The following ALPK2 variants were observed in gnomAD, a reference collection of about 807,000 sequenced individuals.
The protein encoded by ALPK2 is alpha-protein kinase 2.
In ALPK2, 127 loss-of-function variants were observed where a neutral mutation model predicts 163.1. The observed-to-expected ratio is 0.78, with a 90% CI of 0.67 to 0.90. The LOEUF is 0.90. Among genes scored for constraint, ALPK2 ranks in the 40% least tolerant of loss-of-function variants. The pLI is 0.00. For synonymous variants in ALPK2, 953 were observed against 959.1 expected (o/e 0.99, Z 0.12); for missense variants, 2,360 against 2,589.6 (o/e 0.91, Z 1.92).
intron 6 of ALPK2, 133 bp from the exon 7 acceptor site, chr18:58,524,195 A>G (rs2051572206): frequency 8.1e-7 from 1 of 1,229,510 alleles, no homozygotes; most frequent in Non-Finnish European, 1.1e-6. Flanking sequence ...CCAAAGGGCA[A>G]AATCACGATC....
At chr18:58,593,124 A>G (rs1049697539) in intron 3 of ALPK2, among the ~76,000 whole-genome samples, 5 of 152,204 alleles carry the variant, frequency 3.3e-5, no homozygotes, top group African/African-American at 1.2e-4. Flanking sequence ...CATGTAAACT[A>G]TGGACTTGGG....
intron 12 of ALPK2, among the ~76,000 whole-genome samples, chr18:58,487,151 T>G (rs536170760): frequency 7.4e-6 from 1 of 135,616 alleles, no homozygotes; most frequent in African/African-American, 2.5e-5. Context: ...TGACCTTATT[T>G]GGAAATCACA....
intron 1 of ALPK2, among the ~76,000 whole-genome samples, chr18:58,624,438 T>A (rs2052218209): frequency 7.2e-6 from 1 of 139,466 alleles, no homozygotes; most frequent in South Asian, 2.4e-4. Flanking sequence ...GTAGTTTGAG[T>A]TGATTTCTTT....
rs191577751 is a variant in ALPK2, at chr18:58,528,116, A to G, written c.5501+975T>C. On this transcript the variant is annotated intron_variant, in intron 6 of 12. Coordinates refer to ENST00000361673, the MANE Select transcript of ALPK2 (RefSeq NM_052947.4). Reference sequence around the variant, plus strand: ...TTGAATTCATCAGTTCACTTGAACAAGCATTTATTGCCAAGAAAAGCTGCT... The same window carrying G: ...TTGAATTCATCAGTTCACTTGAACAGGCATTTATTGCCAAGAAAAGCTGCT... Among the ~76,000 whole-genome samples the G allele has an allele frequency of 6.6e-5, 10 of 152,334 alleles. No homozygotes were observed. The East Asian group carries it at 1.9e-3, about 29-fold the overall frequency.
chr18:58,501,216 T>A (rs948869333), intron 11 of ALPK2, among the ~76,000 whole-genome samples: 1 of 152,256 alleles, frequency 6.6e-6, no homozygotes, highest in Non-Finnish European at 1.5e-5. Context: ...CCATTACTGT[T>A]GTTTACTAGT....
intron 6 of ALPK2, 28 bp from the exon 7 acceptor site, chr18:58,524,090 C>T: frequency 6.3e-7 from 1 of 1,595,060 alleles, no homozygotes; most frequent in Non-Finnish European, 8.6e-7. Flanking sequence ...CACATTGACA[C>T]ACTTCATCAT....
intron 3 of ALPK2, among the ~76,000 whole-genome samples, chr18:58,594,434 T>A (rs1216840560): frequency 6.6e-6 from 1 of 152,140 alleles, no homozygotes; most frequent in African/African-American, 2.4e-5. Flanking sequence ...GTCCCAGAAA[T>A]CTTAAGGAGC....
intron 4 of ALPK2, among the ~76,000 whole-genome samples, chr18:58,548,819 A>G (rs1263738471): frequency 6.6e-6 from 1 of 152,188 alleles, no homozygotes; most frequent in Non-Finnish European, 1.5e-5. Flanking sequence ...AGCATGGTAA[A>G]TGCTCAGAAA....
At chr18:58,554,625 C>T (rs1164975070) in intron 4 of ALPK2, among the ~76,000 whole-genome samples, 2 of 152,190 alleles carry the variant, frequency 1.3e-5, no homozygotes, top group African/African-American at 4.8e-5. Flanking sequence ...ATCAGTGTGT[C>T]TTGTGCTTCA....
Position 58,516,990 on chromosome 18 carries a change from A to G in ALPK2, c.5858T>C (p.Val1953Ala). 1 of 1,614,202 alleles carries G rather than the reference A, an allele frequency of 6.2e-7. No individual in the cohort carries two copies. The highest frequency in any genetic ancestry group is 1.1e-5 in the South Asian group (1 of 91,084). Residue 1953 changes from valine (V) to alanine (A), a missense_variant, in exon 9 of 13, where the codon GTG becomes GCG. Val to Ala is a moderately conservative substitution (Grantham distance 64). Coordinates refer to ENST00000361673, the MANE Select transcript of ALPK2 (RefSeq NM_052947.4). ...GGCAATGGCATTGTGCACCTTAAGCACACAGGCATGGCCAGGTTTGAAGAC... is the reference window on the plus strand; with the variant it reads ...GGCAATGGCATTGTGCACCTTAAGCGCACAGGCATGGCCAGGTTTGAAGAC... ...MPVFKPGHACVLKVHNAIAYG... is the reference protein window; with the variant it reads ...MPVFKPGHACALKVHNAIAYG...
chr18:58,490,740 T>C (rs1295715543), intron 12 of ALPK2, among the ~76,000 whole-genome samples: 1 of 152,212 alleles, frequency 6.6e-6, no homozygotes, highest in African/African-American at 2.4e-5. Flanking sequence ...GGCAACATAT[T>C]CTAGAATCCC....
chr18:58,522,826 A>G (rs2051562411), intron 8 of ALPK2, among the ~76,000 whole-genome samples: 1 of 152,180 alleles, frequency 6.6e-6, no homozygotes. Context: ...AATTCTGGAT[A>G]TCTGTAGTCT....
intron 3 of ALPK2, among the ~76,000 whole-genome samples, chr18:58,603,055 C>G (rs920428217): frequency 4.6e-5 from 7 of 152,198 alleles, no homozygotes; most frequent in Non-Finnish European, 1.0e-4. Flanking sequence ...TTATCCAATT[C>G]TTGTTTAGCA....
intron 4 of ALPK2, among the ~76,000 whole-genome samples, chr18:58,552,609 G>A (rs34117399): frequency 0.039 from 5,872 of 152,278 alleles, 169 homozygotes; most frequent in South Asian, 0.098. Context: ...GTTGAAAGCC[G>A]TCTATGTTCC....
chr18:58,581,122 A>G (rs925342869), intron 3 of ALPK2: 2 of 152,094 alleles, frequency 1.3e-5, no homozygotes, highest in Non-Finnish European at 2.9e-5. Context: ...AATGTTTTAT[A>G]TTCTAATTTT....
chr18:58,625,386 T>C (rs1220743825), intron 1 of ALPK2, among the ~76,000 whole-genome samples: 1 of 152,136 alleles, frequency 6.6e-6, no homozygotes, highest in Non-Finnish European at 1.5e-5. Context: ...GTTTGGTGGT[T>C]GAAAAGAATA....
At chr18:58,584,619 G>A (rs2051976447) in intron 3 of ALPK2, among the ~76,000 whole-genome samples, 1 of 152,248 alleles carries the variant, frequency 6.6e-6, no homozygotes, top group African/African-American at 2.4e-5. Flanking sequence ...CTTGCATAGA[G>A]TAATGGGCAC....
chr18:58,562,107 G>C (rs563308828), intron 4 of ALPK2, among the ~76,000 whole-genome samples: 5 of 152,280 alleles, frequency 3.3e-5, no homozygotes, highest in African/African-American at 7.2e-5. Context: ...AGATAGAGGT[G>C]CCCTGGGCAT....
intron 4 of ALPK2, among the ~76,000 whole-genome samples, chr18:58,563,637 A>G (rs1229515270): frequency 6.6e-6 from 1 of 152,252 alleles, no homozygotes; most frequent in Admixed American, 6.5e-5. Flanking sequence ...GAAACAACAT[A>G]TATATTGCTT....
Sources: allele counts gnomAD v4.1 joint callset (sites outside exome capture counted in the v4.1 genomes callset), GRCh38; gene constraint gnomAD v4.1.1; transcripts MANE v1.5; gene names NCBI Gene and HGNC (gene_info 2026-07-23, HGNC 2026-07-21).